Variants in CHST9 observed in about 807,000 individuals in gnomAD.
CHST9 encodes the protein carbohydrate sulfotransferase 9.
Under a neutral mutation model 44.4 loss-of-function variants are expected in CHST9, and 41 were observed. The observed-to-expected ratio is 0.92, with a 90% CI of 0.72 to 1.20. The LOEUF is 1.20. Among genes scored for constraint, CHST9 ranks in the 50% most tolerant of loss-of-function variants. CHST9 has a pLI of 0.00. For missense variants in CHST9, 504 were observed against 516.5 expected (o/e 0.98, Z 0.23); for synonymous variants, 171 against 178.4 (o/e 0.96, Z 0.33).
intron 2 of CHST9, among the ~76,000 whole-genome samples, chr18:27,085,497 G>A (rs1019742273): frequency 6.6e-6 from 1 of 152,044 alleles, no homozygotes; most frequent in Non-Finnish European, 1.5e-5. Flanking sequence ...AGACACACAA[G>A]TGGTCAATAA....
chr18:27,178,531 G>A (rs539411845), intron 1 of CHST9, among the ~76,000 whole-genome samples: 1 of 152,104 alleles, frequency 6.6e-6, no homozygotes, highest in Non-Finnish European at 1.5e-5. Context: ...CCAGTAGACA[G>A]AAGTAAGAAA....
chr18:27,064,360 A>G (rs1204973976), intron 2 of CHST9, among the ~76,000 whole-genome samples: 1 of 151,940 alleles, frequency 6.6e-6, no homozygotes, highest in African/African-American at 2.4e-5. Context: ...TTCCAACAAT[A>G]TCCACCCATG....
At position 26,992,092 on chromosome 18, in the gene CHST9, C is replaced by A. The variant is rs889172965; in HGVS notation, c.202+32024G>T. On this transcript the variant is annotated intron_variant, in intron 4 of 5. Coordinates refer to ENST00000618847, the MANE Select transcript of CHST9 (RefSeq NM_031422.6). ...CTTATGTTCTTGTTCATATCCCACC[C>A]TGTTCCTATGTTTGGGGATCCCAAC... 2.4e-5 allele frequency among the ~76,000 whole-genome samples: 3 copies of A among 127,344 alleles called. 1 individual carries two copies. The highest frequency in any genetic ancestry group is 5.4e-5 in the Non-Finnish European group (3 of 55,726). The allele number at this position is 127,344 out of a possible 152,430, so 83.5% of individuals were successfully genotyped here. A position where few individuals can be genotyped will look rare whatever the true frequency, so the allele number is the denominator to read the frequency against.
At chr18:26,987,488 C>G (rs1568122142) in intron 4 of CHST9, among the ~76,000 whole-genome samples, 1 of 151,936 alleles carries the variant, frequency 6.6e-6, no homozygotes, top group South Asian at 2.1e-4. Context: ...GTTGTTTAAA[C>G]CTTTTAAAAG....
intron 1 of CHST9, among the ~76,000 whole-genome samples, chr18:27,180,296 G>A (rs879585464): frequency 3.3e-5 from 5 of 152,246 alleles, no homozygotes; most frequent in Middle Eastern, 3.4e-3. Context: ...TTATCCCTGA[G>A]CGTTAGTAGT....
intron 2 of CHST9, among the ~76,000 whole-genome samples, chr18:27,089,813 T>C (rs1332944345): frequency 1.3e-5 from 2 of 148,642 alleles, no homozygotes; most frequent in Admixed American, 6.7e-5. Context: ...TTCCTGACTT[T>C]TTTTTTTTTT....
At chr18:27,099,545 GTCAAAAGACATGAACA>G (rs1274131675) in intron 2 of CHST9, among the ~76,000 whole-genome samples, 1 of 151,652 alleles carries the variant, frequency 6.6e-6, no homozygotes, top group Non-Finnish European at 1.5e-5. Flanking sequence ...CTGAGAAATG[GTCAAAAGACATGAACA>G]GACACTTCTC....
At chr18:27,083,095 T>C (rs1250716580) in intron 2 of CHST9, among the ~76,000 whole-genome samples, 1 of 152,136 alleles carries the variant, frequency 6.6e-6, no homozygotes, top group African/African-American at 2.4e-5. Context: ...GTAATACATT[T>C]AATCTGAAGA....
At chr18:26,962,987 T>C (rs1356990928) in intron 4 of CHST9, among the ~76,000 whole-genome samples, 1 of 152,202 alleles carries the variant, frequency 6.6e-6, no homozygotes, top group Non-Finnish European at 1.5e-5. Flanking sequence ...ACTTTAAAGC[T>C]GACATTTTCT....
chr18:27,059,958 C>T (rs578128447), intron 2 of CHST9, among the ~76,000 whole-genome samples: 2 of 152,290 alleles, frequency 1.3e-5, no homozygotes, highest in African/African-American at 4.8e-5. Context: ...GCTTTCAGGC[C>T]TTTACAGGCT....
At chr18:27,105,959 G>T (rs9957533) in intron 2 of CHST9, among the ~76,000 whole-genome samples, 57,525 of 151,840 alleles carry the variant, frequency 0.38, 11,588 homozygotes, top group East Asian at 0.51. Flanking sequence ...AATACATTTC[G>T]CAAATTTTTA....
At chr18:27,059,623 A>C (rs935696101) in intron 2 of CHST9, among the ~76,000 whole-genome samples, 2 of 152,178 alleles carry the variant, frequency 1.3e-5, no homozygotes, top group South Asian at 4.1e-4. Flanking sequence ...AATCCTGCCT[A>C]GATTTTCATC....
At position 26,914,345 on chromosome 18, in the gene CHST9, T is replaced by A. The variant is rs1478791854; in HGVS notation, c.*1914A>T. 6.6e-6 allele frequency: 1 copy of A among 152,230 alleles called. No individual in the cohort carries two copies. Among genetic ancestry groups the A allele is most frequent in the African/African-American group, 2.4e-5 (1 of 41,466 alleles). The allele number at this position is 152,230 out of a possible 1,614,324, so 9.4% of individuals were successfully genotyped here. On this transcript the variant is annotated 3_prime_UTR_variant, in exon 6 of 6. Coordinates refer to ENST00000618847, the MANE Select transcript of CHST9 (RefSeq NM_031422.6). ...TTTATTCTTTATAGTGGATTTCATATAAAGCAAGTTTTGTGTTTCTTAGGA... is the reference window on the plus strand; with the variant it reads ...TTTATTCTTTATAGTGGATTTCATAAAAAGCAAGTTTTGTGTTTCTTAGGA...
chr18:27,126,786 T>A (rs1180553275), intron 2 of CHST9, among the ~76,000 whole-genome samples: 1 of 152,036 alleles, frequency 6.6e-6, no homozygotes, highest in Non-Finnish European at 1.5e-5. Context: ...GACAATGGGA[T>A]GGTGACAGGG....
intron 2 of CHST9, among the ~76,000 whole-genome samples, chr18:27,056,439 C>CT: frequency 6.6e-6 from 1 of 152,196 alleles, no homozygotes; most frequent in Admixed American, 6.5e-5. Flanking sequence ...GTGGTGAAAA[C>CT]TTTGAGTTGT....
chr18:27,007,030 C>T (rs954860565), intron 4 of CHST9, among the ~76,000 whole-genome samples: 2 of 152,180 alleles, frequency 1.3e-5, no homozygotes, highest in Admixed American at 6.5e-5. Flanking sequence ...GTGGAGCTTA[C>T]TTCAAGCTCC....
chr18:26,928,931 A>G (rs190813382), intron 5 of CHST9, among the ~76,000 whole-genome samples: 2 of 152,308 alleles, frequency 1.3e-5, no homozygotes, highest in Admixed American at 1.3e-4. Context: ...TCTTACAGAG[A>G]GTCCATTAAC....
intron 2 of CHST9, among the ~76,000 whole-genome samples, chr18:27,082,864 TTTG>T (rs1286458890): frequency 1.5e-4 from 23 of 152,170 alleles, no homozygotes. Context: ...CTACGTGCAA[TTTG>T]TTAGGTTTAA....
intron 2 of CHST9, among the ~76,000 whole-genome samples, chr18:27,111,505 G>A (rs2058270434): frequency 6.6e-6 from 1 of 152,166 alleles, no homozygotes; most frequent in Non-Finnish European, 1.5e-5. Flanking sequence ...GCACTTCCTT[G>A]CTTCCAGGAA....
Sources: allele counts gnomAD v4.1 joint callset (sites outside exome capture counted in the v4.1 genomes callset), GRCh38; gene constraint gnomAD v4.1.1; transcripts MANE v1.5; gene names NCBI Gene and HGNC (gene_info 2026-07-23, HGNC 2026-07-21).